USP34: variants seen among roughly 807,000 people sequenced by gnomAD.
USP34 encodes the protein ubiquitin specific peptidase 34.
Under a neutral mutation model 460.3 loss-of-function variants are expected in USP34, and 70 were observed. The ratio of observed to expected loss-of-function variants is 0.15; its 90% CI spans 0.13 to 0.19. The LOEUF is 0.19. Among genes scored for constraint, USP34 ranks in the 10% least tolerant of loss-of-function variants. The pLI is 1.00. For synonymous variants in USP34, 1,647 were observed against 1,405.3 expected, an observed-to-expected ratio of 1.17 and a Z score of -3.85; for missense variants, 3,985 against 4,236.2, an observed-to-expected ratio of 0.94 and a Z score of 1.65.
At chr2:61,372,784 A>T (rs889157494) in intron 8 of USP34, among the ~76,000 whole-genome samples, 4 of 152,180 alleles carry the variant, frequency 2.6e-5, no homozygotes, top group African/African-American at 7.2e-5. Flanking sequence ...ACCATTAATA[A>T]CCACTATTCG....
intron 29 of USP34, among the ~76,000 whole-genome samples, chr2:61,297,228 C>G (rs1690056575): frequency 6.6e-6 from 1 of 152,142 alleles, no homozygotes; most frequent in African/African-American, 2.4e-5. Context: ...AAAATTCTAA[C>G]AAATTTCAAT....
At chr2:61,342,665 T>C (rs1439448812) in intron 16 of USP34, among the ~76,000 whole-genome samples, 1 of 152,046 alleles carries the variant, frequency 6.6e-6, no homozygotes, top group Non-Finnish European at 1.5e-5. Flanking sequence ...TCAACACTTT[T>C]GCCCATTTTT....
At chr2:61,331,526 A>C (rs1052232225) in intron 19 of USP34, among the ~76,000 whole-genome samples, 155 bp from the exon 20 acceptor site, 2 of 152,072 alleles carry the variant, frequency 1.3e-5, no homozygotes, top group Non-Finnish European at 2.9e-5. Context: ...TGAATGGTGA[A>C]AAGATATAAA....
chr2:61,369,764 A>C (rs1283500674), intron 10 of USP34, among the ~76,000 whole-genome samples: 2 of 146,002 alleles, frequency 1.4e-5, no homozygotes, highest in Non-Finnish European at 3.0e-5. Flanking sequence ...ATTAAGAAAG[A>C]AAAAAAAAAA....
At chr2:61,376,638 T>C (rs1421932939) in intron 8 of USP34, among the ~76,000 whole-genome samples, 1 of 151,830 alleles carries the variant, frequency 6.6e-6, no homozygotes, top group Non-Finnish European at 1.5e-5. Context: ...GAGCTGTAGG[T>C]TTATTTTGTT....
chr2:61,397,676 G>T (rs1184245184), intron 3 of USP34, among the ~76,000 whole-genome samples: 2 of 151,952 alleles, frequency 1.3e-5, no homozygotes, highest in Admixed American at 1.3e-4. Flanking sequence ...CGAGGTGGGC[G>T]GATCATGATG....
In USP34 at chr2:61,350,251, A is replaced by G. The variant is rs371841234; in HGVS notation, c.1507+9T>C. On this transcript the variant is annotated intron_variant, in intron 12 of 79. Transcript: ENST00000398571. The stretch of plus-strand genomic sequence containing the variant: ...AACAATTTACTTCAAAATACATGAC[A>G]TTACTAACCTTTCTTATTTCCAATG... 3.8e-6 allele frequency: 6 copies of G among 1,590,132 alleles called. No homozygotes were observed. The African/African-American group carries it at 6.8e-5, about 18-fold the overall frequency.
At chr2:61,302,851 A>G (rs1044316939) in intron 27 of USP34, among the ~76,000 whole-genome samples, 12 of 152,166 alleles carry the variant, frequency 7.9e-5, no homozygotes, top group African/African-American at 2.7e-4. Context: ...CCCAGAACTT[A>G]TAATATTGCT....
rs375115495 is a variant in USP34, at chr2:61,457,439, T to C, written c.43+13211A>G. Among the ~76,000 whole-genome samples the C allele has an allele frequency of 2.4e-4, 36 of 152,328 alleles. No homozygotes were observed. The Middle Eastern group carries it at 0.01, about 43-fold the overall frequency. ...AATATACACCTAGACGGCCTACTTA[T>C]AGCTTTTAAAGAAAAACTCTGTTTC... On this transcript the variant is annotated intron_variant, in intron 1 of 79. Coordinates refer to ENST00000398571, the MANE Select transcript of USP34 (RefSeq NM_014709.4).
At chr2:61,223,329 C>T in intron 62 of USP34, 33 bp from the exon 63 acceptor site, 1 of 1,601,164 alleles carries the variant, frequency 6.2e-7, no homozygotes, top group Non-Finnish European at 8.5e-7. Context: ...ATAAGTTTTT[C>T]TTCCTTCTGT....
intron 5 of USP34, among the ~76,000 whole-genome samples, chr2:61,387,590 T>A (rs890568320): frequency 6.8e-6 from 1 of 147,144 alleles, no homozygotes; most frequent in Non-Finnish European, 1.5e-5. Flanking sequence ...AATATATATA[T>A]TTATATATAC....
chr2:61,322,733 T>G (rs187111499), intron 21 of USP34, among the ~76,000 whole-genome samples: 40 of 152,374 alleles, frequency 2.6e-4, no homozygotes, highest in African/African-American at 8.9e-4. Context: ...TATCAGTTTC[T>G]CACTGAAACA....
intron 53 of USP34, among the ~76,000 whole-genome samples, chr2:61,240,638 A>G (rs1445705451): frequency 1.4e-5 from 2 of 147,416 alleles, no homozygotes; most frequent in Non-Finnish European, 3.0e-5. Flanking sequence ...CAGTGGTGTG[A>G]TCTCGGTTCA....
intron 75 of USP34, among the ~76,000 whole-genome samples, chr2:61,194,415 A>C (rs541007169): frequency 2.3e-4 from 35 of 152,348 alleles, no homozygotes; most frequent in East Asian, 2.1e-3. Flanking sequence ...TACTCATCAA[A>C]GTAGAGGAAG....
chr2:61,206,410 A>C (rs1485914972), intron 71 of USP34, among the ~76,000 whole-genome samples: 1 of 152,210 alleles, frequency 6.6e-6, no homozygotes, highest in Non-Finnish European at 1.5e-5. Flanking sequence ...GGTAGGTTTT[A>C]TAGTCATCTC....
At chr2:61,428,605 A>G (rs775956971) in intron 1 of USP34, among the ~76,000 whole-genome samples, 2 of 152,232 alleles carry the variant, frequency 1.3e-5, no homozygotes, top group East Asian at 1.9e-4. Flanking sequence ...TCTAGCAATA[A>G]AAGTATGGAA....
In USP34 at chr2:61,236,206, G is replaced by C. The variant is rs762449465; in HGVS notation, c.6873C>G (p.Pro2291=). 1 of 1,612,018 alleles carries C rather than the reference G, an allele frequency of 6.2e-7. No homozygotes were observed. Among genetic ancestry groups the C allele is most frequent in the Non-Finnish European group, 8.5e-7 (1 of 1,179,220 alleles). Residue 2291 remains proline (P), a synonymous_variant, in exon 55 of 80, where the codon CCC becomes CCG. Transcript: ENST00000398571. ...GFMWQLCSCI[P]STLPDPKAVS... ...CAGCTTTAGGATCTGGTAATGTACTGGGAATACAACTACACAATTGCCACA... is the reference window on the plus strand; with the variant it reads ...CAGCTTTAGGATCTGGTAATGTACTCGGAATACAACTACACAATTGCCACA...
At chr2:61,352,842 GACAAAGACGATGAAA>G (rs912939131) in intron 10 of USP34, among the ~76,000 whole-genome samples, 21 of 151,558 alleles carry the variant, frequency 1.4e-4, no homozygotes, top group South Asian at 1.0e-3. Context: ...TGACGAAGAG[GACAAAGACGATGAAA>G]ACAAAGACGA....
chr2:61,350,391 TAA>T lies in USP34; in HGVS notation c.1378-4_1378-3del. 6.3e-7 allele frequency: 1 copy of T among 1,598,710 alleles called. No individual in the cohort carries two copies. Among genetic ancestry groups the T allele is most frequent in the East Asian group, 2.2e-5 (1 of 44,680 alleles). The stretch of plus-strand genomic sequence containing the variant: ...TAACATGGATGCCAAGTACAGTGTC[TAA>T]AAAAAAGAGGGAGAGATTTCAGTTT... On this transcript the variant is annotated splice_polypyrimidine_tract_variant and splice_region_variant and intron_variant, in intron 11 of 79. Transcript: ENST00000398571.
Sources: allele counts gnomAD v4.1 joint callset (sites outside exome capture counted in the v4.1 genomes callset), GRCh38; gene constraint gnomAD v4.1.1; transcripts MANE v1.5; gene names NCBI Gene and HGNC (gene_info 2026-07-23, HGNC 2026-07-21).